MMP16: variants seen among roughly 807,000 people sequenced by gnomAD.
MMP16 encodes the protein matrix metallopeptidase 16, also known as matrix metalloproteinase-16.
In MMP16, 12 loss-of-function variants were observed where a neutral mutation model predicts 67.8. The ratio of observed to expected loss-of-function variants is 0.18; its 90% CI spans 0.11 to 0.29. The LOEUF (loss-of-function observed/expected upper bound fraction) is 0.29. Among genes scored for constraint, MMP16 ranks in the 10% least tolerant of loss-of-function variants. MMP16 has a pLI of 1.00. For synonymous variants in MMP16, 249 were observed against 255.9 expected, an observed-to-expected ratio of 0.97 and a Z score of 0.26; for missense variants, 475 against 765.7, an observed-to-expected ratio of 0.62 and a Z score of 4.48.
chr8:88,185,037 G>C (rs1238758047), intron 3 of MMP16, among the ~76,000 whole-genome samples: 1 of 152,108 alleles, frequency 6.6e-6, no homozygotes, highest in Non-Finnish European at 1.5e-5. Flanking sequence ...AACTTCATGG[G>C]CTTGGCCTAA....
intron 7 of MMP16, among the ~76,000 whole-genome samples, chr8:88,061,792 T>G (rs1808403531): frequency 3.3e-5 from 5 of 152,180 alleles, no homozygotes; most frequent in Admixed American, 3.3e-4. Context: ...TACTTTCCTG[T>G]ACTGTTGGTC....
At chr8:88,325,645 TA>T (rs952286354) in intron 1 of MMP16, among the ~76,000 whole-genome samples, 81 of 152,250 alleles carry the variant, frequency 5.3e-4, no homozygotes, top group Non-Finnish European at 1.9e-4. Context: ...AAATTTGCAA[TA>T]AAAAAAGTCT....
chr8:88,042,991 T>C (rs1328779840), intron 9 of MMP16, among the ~76,000 whole-genome samples: 1 of 152,218 alleles, frequency 6.6e-6, no homozygotes, highest in African/African-American at 2.4e-5. Flanking sequence ...CTATTTTTGA[T>C]ACAAGGCAAA....
intron 3 of MMP16, among the ~76,000 whole-genome samples, chr8:88,180,502 A>G (rs1808963051): frequency 6.6e-6 from 1 of 152,184 alleles, no homozygotes; most frequent in South Asian, 2.1e-4. Flanking sequence ...TTTAAGATAT[A>G]GCAGATTTCA....
chr8:88,275,880 T>A (rs1810641981), intron 1 of MMP16, among the ~76,000 whole-genome samples: 1 of 151,946 alleles, frequency 6.6e-6, no homozygotes, highest in Non-Finnish European at 1.5e-5. Flanking sequence ...GGAATCCAAT[T>A]TTTTTAGCCT....
chr8:88,092,072 A>T (rs1028866598), intron 6 of MMP16, among the ~76,000 whole-genome samples: 3 of 151,848 alleles, frequency 2.0e-5, no homozygotes, highest in African/African-American at 7.2e-5. Flanking sequence ...ATGTTGAGTG[A>T]CATAATTCTA....
At chr8:88,226,629 C>G (rs912066771) in intron 1 of MMP16, among the ~76,000 whole-genome samples, 3 of 152,024 alleles carry the variant, frequency 2.0e-5, no homozygotes, top group Non-Finnish European at 2.9e-5. Flanking sequence ...ATTCTTAACT[C>G]TTTCTACTAG....
At chr8:88,207,108 TG>T (rs1809441315) in intron 1 of MMP16, among the ~76,000 whole-genome samples, 1 of 152,120 alleles carries the variant, frequency 6.6e-6, no homozygotes, top group Non-Finnish European at 1.5e-5. Flanking sequence ...AAAACATATG[TG>T]GTAACTCATC....
chr8:88,271,298 G>A (rs191374551), intron 1 of MMP16, among the ~76,000 whole-genome samples: 2 of 152,320 alleles, frequency 1.3e-5, no homozygotes, highest in Admixed American at 1.3e-4. Context: ...TTCTTGATGT[G>A]CTTTGCACCA....
chr8:88,098,332 T>C (rs1221359773), intron 6 of MMP16, among the ~76,000 whole-genome samples: 4 of 152,028 alleles, frequency 2.6e-5, no homozygotes, highest in African/African-American at 9.7e-5. Flanking sequence ...ATTCATTATG[T>C]AGGCAGGATT....
chr8:88,057,040 T>G (rs1259268568), intron 7 of MMP16, among the ~76,000 whole-genome samples: 1 of 152,108 alleles, frequency 6.6e-6, no homozygotes, highest in Non-Finnish European at 1.5e-5. Flanking sequence ...CACTTCCCTT[T>G]CTGGTATGCC....
chr8:88,066,307 A>G (rs1247788434), intron 7 of MMP16, among the ~76,000 whole-genome samples: 1 of 152,100 alleles, frequency 6.6e-6, no homozygotes, highest in Non-Finnish European at 1.5e-5. Flanking sequence ...TTATGCTTAC[A>G]AAATGTTACT....
At chr8:88,247,432 A>C (rs1810130957) in intron 1 of MMP16, among the ~76,000 whole-genome samples, 1 of 152,102 alleles carries the variant, frequency 6.6e-6, no homozygotes, top group Non-Finnish European at 1.5e-5. Flanking sequence ...TAAAGTTGTG[A>C]CAGCTATGGA....
At chr8:88,205,312 T>C (rs6469296) in intron 1 of MMP16, among the ~76,000 whole-genome samples, 148,354 of 152,220 alleles carry the variant, frequency 0.97, 72,412 homozygotes, top group East Asian at 1. Context: ...GACCCAGCTG[T>C]CTGTCTGTAT....
At chr8:88,107,482 T>A (rs1809262492) in intron 6 of MMP16, among the ~76,000 whole-genome samples, 1 of 151,180 alleles carries the variant, frequency 6.6e-6, no homozygotes, top group Non-Finnish European at 1.5e-5. Flanking sequence ...AAATTATGTA[T>A]TTTGTTATTC....
At chr8:88,287,172 G>A (rs868679027) in intron 1 of MMP16, among the ~76,000 whole-genome samples, 12 of 152,140 alleles carry the variant, frequency 7.9e-5, no homozygotes, top group Middle Eastern at 3.2e-3. Flanking sequence ...CAAGTTCTGC[G>A]TGCTCTGATG....
At chr8:88,164,573 A>C (rs1808681525) in intron 4 of MMP16, among the ~76,000 whole-genome samples, 1 of 152,140 alleles carries the variant, frequency 6.6e-6, no homozygotes, top group South Asian at 2.1e-4. Context: ...TTACATCTCT[A>C]ACAGTCAATT....
chr8:88,042,926 A>T (rs960694486), intron 9 of MMP16, among the ~76,000 whole-genome samples: 15 of 152,234 alleles, frequency 9.9e-5, no homozygotes, highest in African/African-American at 3.6e-4. Flanking sequence ...AAAATTCAAA[A>T]AATCAAGAAA....
intron 1 of MMP16, among the ~76,000 whole-genome samples, chr8:88,198,801 A>C (rs970084042): frequency 2.6e-5 from 4 of 152,086 alleles, no homozygotes; most frequent in Non-Finnish European, 5.9e-5. Flanking sequence ...CTAATCTAGT[A>C]AACTCATGTA....
Sources: gnomAD v4.1 joint callset for allele counts (sites outside exome capture counted in the v4.1 genomes callset) on GRCh38, gnomAD v4.1.1 for gene constraint, MANE v1.5 for transcripts, NCBI Gene and HGNC (gene_info 2026-07-23, HGNC 2026-07-21) for gene names.